STK33: variants seen among roughly 807,000 people sequenced by gnomAD.
STK33 encodes the protein serine/threonine kinase 33.
STK33 carries 52 observed loss-of-function variants against 58.0 expected under a neutral mutation model. The observed-to-expected ratio is 0.90, with a 90% CI of 0.72 to 1.13. The LOEUF (loss-of-function observed/expected upper bound fraction) is 1.13. STK33 is among the 50% of genes most tolerant of loss of function. The pLI is 0.00. For synonymous variants in STK33, 215 were observed against 200.1 expected (o/e 1.07, Z -0.63); for missense variants, 630 against 604.2 (o/e 1.04, Z -0.45).
chr11:8,533,941 T>C (rs1334518869), intron 1 of STK33, among the ~76,000 whole-genome samples: 2 of 152,178 alleles, frequency 1.3e-5, no homozygotes, highest in African/African-American at 2.4e-5. Context: ...GTATCTAGCA[T>C]GGAAGCATTC....
chr11:8,591,875 T>C (rs1008922178), intron 1 of STK33, among the ~76,000 whole-genome samples: 25 of 151,892 alleles, frequency 1.6e-4, no homozygotes, highest in Non-Finnish European at 3.2e-4. Flanking sequence ...TTAGGAGATA[T>C]ACCTAATGCT....
At chr11:8,438,229 T>C (rs77737959) in intron 12 of STK33, among the ~76,000 whole-genome samples, 5,087 of 152,260 alleles carry the variant, frequency 0.033, 278 homozygotes, top group African/African-American at 0.12. Context: ...ATCAGCAGCA[T>C]ACAAAATTTT....
At chr11:8,370,337 A>G in the STK33 span, among the ~76,000 whole-genome samples, 1 of 152,074 alleles carries the variant, frequency 6.6e-6, no homozygotes, top group Non-Finnish European at 1.5e-5. Context: ...AGCTGGGACT[A>G]CAGAAGCATG....
At chr11:8,338,941 C>A in the STK33 span, among the ~76,000 whole-genome samples, 14 of 152,140 alleles carry the variant, frequency 9.2e-5, no homozygotes, top group South Asian at 2.1e-4. Flanking sequence ...GACTGACTGA[C>A]TGAATGAATG....
At chr11:8,405,356 A>G (rs978241079) in intron 15 of STK33, among the ~76,000 whole-genome samples, 4 of 152,164 alleles carry the variant, frequency 2.6e-5, no homozygotes, top group African/African-American at 7.2e-5. Flanking sequence ...ATCTTTTCAT[A>G]TGCTTATTGA....
chr11:8,462,494 T>C (rs982712858), intron 7 of STK33, among the ~76,000 whole-genome samples: 1 of 149,374 alleles, frequency 6.7e-6, no homozygotes, highest in African/African-American at 2.5e-5. Flanking sequence ...TATGTATGTA[T>C]GAAAAAATAA....
chr11:8,515,626 T>A (rs1385866852), intron 1 of STK33, among the ~76,000 whole-genome samples: 4 of 152,212 alleles, frequency 2.6e-5, no homozygotes, highest in Non-Finnish European at 5.9e-5. Flanking sequence ...ATTAAAAGGA[T>A]CACAAACCAT....
intron 15 of STK33, among the ~76,000 whole-genome samples, chr11:8,412,532 T>G (rs748765811): frequency 6.6e-6 from 1 of 152,198 alleles, no homozygotes; most frequent in Non-Finnish European, 1.5e-5. Context: ...GAGAGGATTC[T>G]TGGCATGGAG....
chr11:8,527,729 G>A (rs1954175462), intron 1 of STK33, among the ~76,000 whole-genome samples: 1 of 152,080 alleles, frequency 6.6e-6, no homozygotes, highest in East Asian at 1.9e-4. Flanking sequence ...TAGACATGAG[G>A]CATAGAGAAG....
chr11:8,445,989 C>A (rs1945407513), intron 11 of STK33, among the ~76,000 whole-genome samples: 1 of 151,944 alleles, frequency 6.6e-6, no homozygotes, highest in Non-Finnish European at 1.5e-5. Context: ...TAGAATTCGG[C>A]TGTGAATCGG....
At chr11:8,382,430 G>T in the STK33 span, among the ~76,000 whole-genome samples, 1 of 152,274 alleles carries the variant, frequency 6.6e-6, no homozygotes, top group Non-Finnish European at 1.5e-5. Flanking sequence ...ACAAGGACAT[G>T]TGTGAACACT....
At chr11:8,372,297 C>G in the STK33 span, among the ~76,000 whole-genome samples, 2 of 151,980 alleles carry the variant, frequency 1.3e-5, no homozygotes, top group Non-Finnish European at 2.9e-5. Context: ...TAAGGCCTTA[C>G]AAGGTCTCAC....
chr11:8,514,103 C>T (rs1368609509), intron 1 of STK33, among the ~76,000 whole-genome samples: 1 of 152,112 alleles, frequency 6.6e-6, no homozygotes, highest in Non-Finnish European at 1.5e-5. Flanking sequence ...TTTCACTTAA[C>T]ATAATGATTT....
intron 1 of STK33, among the ~76,000 whole-genome samples, chr11:8,591,190 T>C (rs944727615): frequency 2.6e-5 from 4 of 152,280 alleles, no homozygotes; most frequent in Admixed American, 2.0e-4. Flanking sequence ...CAGTATAAGC[T>C]CTTTTCTGCT....
intron 15 of STK33, 137 bp from the exon 16 acceptor site, chr11:8,392,847 G>A: frequency 1.4e-6 from 1 of 734,916 alleles, no homozygotes; most frequent in Non-Finnish European, 2.2e-6. Context: ...TAGTCATATT[G>A]TAAAATTATT....
chr11:8,387,942 G>A (rs1484150457), downstream of STK33, among the ~76,000 whole-genome samples: 9 of 152,152 alleles, frequency 5.9e-5, no homozygotes, highest in Admixed American at 5.9e-4. Flanking sequence ...GGAGGTTTTG[G>A]TCCCCAAAGG....
chr11:8,491,478 T>G (rs369435585), intron 1 of STK33, among the ~76,000 whole-genome samples: 1 of 152,130 alleles, frequency 6.6e-6, no homozygotes, highest in African/African-American at 2.4e-5. Flanking sequence ...TTGGTGAAAC[T>G]GAAAGTGACA....
At chr11:8,371,364 T>C in the STK33 span, among the ~76,000 whole-genome samples, 2 of 151,982 alleles carry the variant, frequency 1.3e-5, no homozygotes, top group African/African-American at 4.8e-5. Context: ...AGCCGAGGAA[T>C]GCCAGGAGCC....
At chr11:8,586,560 A>G (rs995649222) in intron 1 of STK33, among the ~76,000 whole-genome samples, 1 of 152,140 alleles carries the variant, frequency 6.6e-6, no homozygotes, top group Non-Finnish European at 1.5e-5. Context: ...ACAGTGGCTC[A>G]CACCTGTAAT....
Sources: gnomAD v4.1 joint callset for allele counts (sites outside exome capture counted in the v4.1 genomes callset) on GRCh38, gnomAD v4.1.1 for gene constraint, MANE v1.5 for transcripts, NCBI Gene and HGNC (gene_info 2026-07-23, HGNC 2026-07-21) for gene names.